The following WDR25 variants were observed in gnomAD, a reference collection of about 807,000 sequenced individuals.
WDR25 encodes the protein WD repeat-containing protein 25.
In WDR25, 35 loss-of-function variants were observed where a neutral mutation model predicts 47.7. The ratio of observed to expected loss-of-function variants is 0.73; its 90% CI spans 0.56 to 0.97. The LOEUF (loss-of-function observed/expected upper bound fraction) is 0.97, where lower values mean the gene tolerates loss of function less well. Ranked by LOEUF, WDR25 falls within the 50% of genes least tolerant of loss-of-function variation. The probability of loss-of-function intolerance (pLI) is 0.00; values close to 1 mark genes in which losing one functional copy is unlikely to be tolerated. For synonymous variants in WDR25, 248 were observed against 278.9 expected (o/e 0.89, Z 1.10); for missense variants, 634 against 704.7 (o/e 0.90, Z 1.14).
At chr14:100,418,161 C>T (rs1015910487) in intron 2 of WDR25, among the ~76,000 whole-genome samples, 4 of 150,104 alleles carry the variant, frequency 2.7e-5, no homozygotes, top group South Asian at 2.1e-4. Flanking sequence ...AGACTGGTTT[C>T]GAACTCCTGA....
At chr14:100,510,945 T>G (rs1901291594) in intron 4 of WDR25, among the ~76,000 whole-genome samples, 1 of 152,022 alleles carries the variant, frequency 6.6e-6, no homozygotes, top group Non-Finnish European at 1.5e-5. Context: ...TTTTCATCAT[T>G]GTAATATTAT....
At chr14:100,435,044 G>C (rs1011264758) in intron 2 of WDR25, among the ~76,000 whole-genome samples, 7 of 152,228 alleles carry the variant, frequency 4.6e-5, no homozygotes, top group Admixed American at 4.6e-4. Context: ...GTGCGTCTAG[G>C]TGCTAATGAC....
rs1899738170 is a variant in WDR25 at position 100,468,991 on chromosome 14, C to A, written c.970+823C>A. Among the ~76,000 whole-genome samples the A allele has an allele frequency of 6.6e-6, 1 of 151,918 alleles. No individual in the cohort carries two copies. Among genetic ancestry groups the A allele is most frequent in the Non-Finnish European group, 1.5e-5 (1 of 67,986 alleles). On this transcript the variant is annotated intron_variant, in intron 3 of 6. Transcript: ENST00000402312. This position sits in a 1 kb window ranked among gnomAD's most constrained non-coding sequence, Gnocchi z 4.5. ...TTTATCCCCCTCCATGAGCAGGATC[C>A]AGCTTCTTTCAGCACCACACTACCT... is the stretch of plus-strand genomic sequence containing the variant.
rs561996310 is a variant in WDR25, at chr14:100,449,983, G to T, written c.823-18038G>T. 6.6e-6 allele frequency among the ~76,000 whole-genome samples: 1 copy of T among 152,134 alleles called. No homozygotes were observed. The highest frequency in any genetic ancestry group is 1.5e-5 in the Non-Finnish European group (1 of 68,036). The stretch of plus-strand genomic sequence containing the variant: ...CTTCTCTAAACTGGGCATTCAGTGC[G>T]TCCACAGTCCGGCGGCCCAGGCCTG... On this transcript the variant is annotated intron_variant, in intron 2 of 6. Transcript: ENST00000402312. This position sits in a 1 kb window ranked among gnomAD's most constrained non-coding sequence, Gnocchi z 4.2.
At chr14:100,503,243 T>C (rs941018726) in intron 4 of WDR25, among the ~76,000 whole-genome samples, 5 of 152,066 alleles carry the variant, frequency 3.3e-5, no homozygotes, top group African/African-American at 1.2e-4. Context: ...CAGCATGCTG[T>C]CACCATTGCC....
intron 2 of WDR25, among the ~76,000 whole-genome samples, chr14:100,447,687 C>A (rs1898882955): frequency 6.6e-6 from 1 of 152,172 alleles, no homozygotes; most frequent in South Asian, 2.1e-4. Context: ...AATTACACTT[C>A]TGTGGCCTAA....
intron 2 of WDR25, among the ~76,000 whole-genome samples, chr14:100,426,988 G>A (rs561604909): frequency 2.0e-5 from 3 of 152,184 alleles, no homozygotes; most frequent in Non-Finnish European, 4.4e-5. Context: ...TGATCACTCG[G>A]GGGCTTGCTT....
In WDR25 at chr14:100,425,261, G is replaced by A. The variant is rs1468278198; in HGVS notation, c.823-42760G>A. ...CCTTCTCCATCCTACCTCCCTTAAT[G>A]TGCACATCCTGTCACCCCATGGGCC... On this transcript the variant is annotated intron_variant, in intron 2 of 6. Coordinates refer to ENST00000402312, the MANE Select transcript of WDR25 (RefSeq NM_001161476.3). This position sits in a 1 kb window ranked among gnomAD's most constrained non-coding sequence, Gnocchi z 4.8. Among the ~76,000 whole-genome samples the A allele has an allele frequency of 6.6e-6, 1 of 152,138 alleles. No homozygotes were observed. Among genetic ancestry groups the A allele is most frequent in the African/African-American group, 2.4e-5 (1 of 41,420 alleles).
At chr14:100,379,846 AT>A (rs2140133404) in intron 1 of WDR25, among the ~76,000 whole-genome samples, 1 of 150,632 alleles carries the variant, frequency 6.6e-6, no homozygotes, top group Admixed American at 6.6e-5. Flanking sequence ...GGTTCAAGTG[AT>A]TCTCCTGCTT....
intron 4 of WDR25, among the ~76,000 whole-genome samples, chr14:100,504,113 C>T (rs1225439536): frequency 6.6e-6 from 1 of 152,182 alleles, no homozygotes; most frequent in African/African-American, 2.4e-5. Flanking sequence ...TATTTTGAAG[C>T]AAATCCCAGA....
rs1290135196 is a variant in WDR25 at position 100,483,980 on chromosome 14, T to C, written c.971-14T>C. 4 of 1,602,600 alleles carry C rather than the reference T, an allele frequency of 2.5e-6. No individual in the cohort carries two copies. In the South Asian group the frequency reaches 4.5e-5, roughly 18 times the overall value. The stretch of plus-strand genomic sequence containing the variant: ...AAGTACTTTCTAACCCTCTCTTCTC[T>C]TTTTGTGTTGTAGGAACCCAGCTAT... On this transcript the variant is annotated splice_polypyrimidine_tract_variant and intron_variant, in intron 3 of 6. Transcript: ENST00000402312.
Position 100,529,299 on chromosome 14 carries a change from CTCTG to C in WDR25, c.1413+96_1413+99del, listed in dbSNP as rs557790751. The C allele has an allele frequency of 4.6e-4, 715 of 1,565,384 alleles. 2 individuals carry two copies. The African/African-American group carries it at 8.6e-3, about 19-fold the overall frequency. On this transcript the variant is annotated intron_variant, in intron 6 of 6. Transcript: ENST00000402312. This position sits in a 1 kb window ranked among gnomAD's most constrained non-coding sequence, Gnocchi z 5.1. Reference sequence around the variant, plus strand: ...ACATGGGCCCTGGGGTGCATGGAGCCTCTGTCTGGGTGGATCCTGCTTTCTGTTT... The same window carrying C: ...ACATGGGCCCTGGGGTGCATGGAGCCTCTGGGTGGATCCTGCTTTCTGTTT...
chr14:100,528,248 C>G (rs1371432832), intron 5 of WDR25, among the ~76,000 whole-genome samples: 1 of 152,038 alleles, frequency 6.6e-6, no homozygotes, highest in African/African-American at 2.4e-5. Flanking sequence ...GGGCTGAAAT[C>G]AAGATGTTGG....
At chr14:100,443,690 G>A (rs1898738001) in intron 2 of WDR25, among the ~76,000 whole-genome samples, 1 of 152,164 alleles carries the variant, frequency 6.6e-6, no homozygotes, top group Admixed American at 6.5e-5. Context: ...TTTAGAGCCT[G>A]TCGCCTCTTG....
At position 100,414,310 on chromosome 14, in the gene WDR25, G is replaced by GTTCTT. The variant is rs1422721676; in HGVS notation, c.822+32567_822+32571dup. Among the ~76,000 whole-genome samples, 4 of 133,180 alleles carry GTTCTT rather than the reference G, an allele frequency of 3.0e-5. No homozygotes were observed. In the South Asian group the frequency reaches 7.2e-4, roughly 24 times the overall value. The allele number at this position is 133,180 out of a possible 152,430, so 87.4% of individuals were successfully genotyped here. ...AGCCACCGCGCCCAGCCTAGAGGTA[G>GTTCTT]TTCTTTTTTTTTTTTTTTTTTTGAG... On this transcript the variant is annotated intron_variant, in intron 2 of 6. Transcript: ENST00000402312.
At chr14:100,464,699 C>T (rs1899549086) in intron 2 of WDR25, among the ~76,000 whole-genome samples, 3 of 141,640 alleles carry the variant, frequency 2.1e-5, no homozygotes, top group South Asian at 4.9e-4. Flanking sequence ...CCCTCCCCAT[C>T]TCATCCTCCC....
At chr14:100,432,824 TGG>T (rs1898379136) in intron 2 of WDR25, among the ~76,000 whole-genome samples, 1 of 152,252 alleles carries the variant, frequency 6.6e-6, no homozygotes, top group Admixed American at 6.5e-5. Context: ...AGTGTTGTGG[TGG>T]GAACACCATA....
At chr14:100,415,927 G>A (rs568792559) in intron 2 of WDR25, among the ~76,000 whole-genome samples, 6 of 152,252 alleles carry the variant, frequency 3.9e-5, no homozygotes, top group African/African-American at 7.2e-5. Context: ...TGCCAAGCAC[G>A]ATTGGCACAG....
At chr14:100,497,667 G>T (rs1467391432) in intron 4 of WDR25, among the ~76,000 whole-genome samples, 2 of 152,154 alleles carry the variant, frequency 1.3e-5, no homozygotes, top group Non-Finnish European at 2.9e-5. Context: ...GCTGCAGGAG[G>T]TGTGCTCCAA....
Sources: gnomAD v4.1 joint callset for allele counts (sites outside exome capture counted in the v4.1 genomes callset) on GRCh38, gnomAD v4.1.1 for gene constraint, Gnocchi (gnomAD v3.1) non-coding constraint, MANE v1.5 for transcripts, NCBI Gene and HGNC (gene_info 2026-07-23, HGNC 2026-07-21) for gene names.